DCDC2: variants seen among roughly 807,000 people sequenced by gnomAD.
DCDC2 encodes doublecortin domain-containing protein 2.
A neutral mutation model predicts 50.2 loss-of-function variants in DCDC2; 40 were observed. That is an observed-to-expected ratio of 0.80 (90% CI 0.62 to 1.04). The LOEUF (loss-of-function observed/expected upper bound fraction) is 1.04, where lower values mean the gene tolerates loss of function less well. Among genes scored for constraint, DCDC2 ranks in the 50% least tolerant of loss-of-function variants. The pLI, the probability that DCDC2 is intolerant of heterozygous loss-of-function variation, is 0.00. For synonymous variants in DCDC2, 234 were observed against 210.6 expected (o/e 1.11, Z -0.96); for missense variants, 570 against 581.9 (o/e 0.98, Z 0.21).
At chr6:24,273,039 G>A (rs1369730352) in intron 7 of DCDC2, among the ~76,000 whole-genome samples, 1 of 141,008 alleles carries the variant, frequency 7.1e-6, no homozygotes, top group Admixed American at 7.4e-5. Flanking sequence ...CACACTTTGT[G>A]GGTATGTGTA....
At chr6:24,193,985 TTTAAA>T (rs1265009953) in intron 8 of DCDC2, among the ~76,000 whole-genome samples, 1 of 152,118 alleles carries the variant, frequency 6.6e-6, no homozygotes, top group Admixed American at 6.5e-5. Flanking sequence ...AAAAGAATTT[TTTAAA>T]TTAAAGTTTA....
chr6:24,182,543 T>G (rs1417396755), intron 8 of DCDC2, among the ~76,000 whole-genome samples: 1 of 145,338 alleles, frequency 6.9e-6, no homozygotes, highest in African/African-American at 2.5e-5. Context: ...AATAATCACA[T>G]GAAAAGATTG....
intron 2 of DCDC2, among the ~76,000 whole-genome samples, chr6:24,327,453 C>CTTATTTAT (rs58552034): frequency 0.44 from 59,727 of 136,172 alleles, 16,543 homozygotes; most frequent in South Asian, 0.6. Flanking sequence ...ACATTATAAA[C>CTTATTTAT]TTATTTATTT....
At chr6:24,274,064 A>C (rs1195192415) in intron 7 of DCDC2, among the ~76,000 whole-genome samples, 2 of 152,216 alleles carry the variant, frequency 1.3e-5, no homozygotes, top group Non-Finnish European at 2.9e-5. Context: ...CATCCATCAA[A>C]AGAATACAAC....
intron 2 of DCDC2, among the ~76,000 whole-genome samples, chr6:24,310,099 T>C (rs887713189): frequency 2.0e-5 from 3 of 152,190 alleles, no homozygotes; most frequent in African/African-American, 7.2e-5. Context: ...AAAAGAAACA[T>C]AATATCCATT....
At chr6:24,210,019 G>GGGGTGT (rs1360438467) in intron 7 of DCDC2, among the ~76,000 whole-genome samples, 78 of 145,264 alleles carry the variant, frequency 5.4e-4, no homozygotes, top group African/African-American at 1.5e-3. Flanking sequence ...GCAGTATCAG[G>GGGGTGT]GTGTGTGTGT....
chr6:24,175,711 T>C (rs1760891866), intron 9 of DCDC2, among the ~76,000 whole-genome samples: 1 of 152,224 alleles, frequency 6.6e-6, no homozygotes, highest in South Asian at 2.1e-4. Flanking sequence ...TTTCCTGGTA[T>C]TTTCCTACAA....
chr6:24,219,308 GAAC>G (rs1191693142), intron 7 of DCDC2, among the ~76,000 whole-genome samples: 1 of 152,100 alleles, frequency 6.6e-6, no homozygotes, highest in Non-Finnish European at 1.5e-5. Context: ...ATTGTATAAT[GAAC>G]ACCACTTTAA....
intron 4 of DCDC2, among the ~76,000 whole-genome samples, chr6:24,297,398 A>G (rs974468957): frequency 2.6e-5 from 4 of 152,228 alleles, no homozygotes; most frequent in African/African-American, 4.8e-5. Context: ...AATCTGTACA[A>G]CAAACTACCG....
At chr6:24,175,134 T>C (rs895230787) in intron 9 of DCDC2, among the ~76,000 whole-genome samples, 4 of 152,186 alleles carry the variant, frequency 2.6e-5, no homozygotes, top group Non-Finnish European at 5.9e-5. Context: ...CTTTGAGCTT[T>C]TCTTCAATTT....
chr6:24,174,692 T>C lies in DCDC2; in HGVS notation c.*38A>G. The stretch of plus-strand genomic sequence containing the variant: ...TCTTTCAAGTATGATAACCCTTCAT[T>C]TTTCTTGCGATCCATATACTCTCTT... On this transcript the variant is annotated 3_prime_UTR_variant, in exon 10 of 10. Coordinates refer to ENST00000378454, the MANE Select transcript of DCDC2 (RefSeq NM_016356.5). The C allele has an allele frequency of 7.0e-7, 1 of 1,433,826 alleles. No homozygotes were observed. Among genetic ancestry groups the C allele is most frequent in the Non-Finnish European group, 9.8e-7 (1 of 1,019,224 alleles). The allele number at this position is 1,433,826 out of a possible 1,614,324, so 88.8% of individuals were successfully genotyped here.
chr6:24,270,524 G>A (rs910198111), intron 7 of DCDC2, among the ~76,000 whole-genome samples: 5 of 152,124 alleles, frequency 3.3e-5, no homozygotes, highest in African/African-American at 1.2e-4. Flanking sequence ...ACTCTGTGCG[G>A]AATGCTCTGA....
intron 7 of DCDC2, among the ~76,000 whole-genome samples, chr6:24,222,038 G>T (rs528458543): frequency 6.6e-6 from 1 of 152,376 alleles, no homozygotes; most frequent in Non-Finnish European, 1.5e-5. Context: ...GAAATAGTAG[G>T]TCTGGGTGGA....
At chr6:24,205,591 A>T (rs1761702258) in intron 7 of DCDC2, among the ~76,000 whole-genome samples, 1 of 152,078 alleles carries the variant, frequency 6.6e-6, no homozygotes, top group African/African-American at 2.4e-5. Context: ...CTGCAGCCAA[A>T]TCATAGAGTT....
At chr6:24,282,164 G>A (rs1013636297) in intron 6 of DCDC2, among the ~76,000 whole-genome samples, 1 of 151,986 alleles carries the variant, frequency 6.6e-6, no homozygotes, top group African/African-American at 2.4e-5. Context: ...TATCCAAAAG[G>A]AATACCAAAT....
intron 7 of DCDC2, among the ~76,000 whole-genome samples, chr6:24,234,038 G>C (rs1306281712): frequency 6.6e-6 from 1 of 152,090 alleles, no homozygotes; most frequent in African/African-American, 2.4e-5. Flanking sequence ...AATGCAGATA[G>C]ATTATGCACA....
intron 2 of DCDC2, among the ~76,000 whole-genome samples, chr6:24,306,539 T>TAGACAGAC (rs1276949309): frequency 0.036 from 3,885 of 107,944 alleles, 66 homozygotes; most frequent in Middle Eastern, 0.055. Flanking sequence ...GATAGATAGA[T>TAGACAGAC]AGATAGACAG....
intron 7 of DCDC2, among the ~76,000 whole-genome samples, chr6:24,220,927 A>AGAGTGAGC (rs1561895676): frequency 1.9e-5 from 1 of 51,744 alleles, no homozygotes; most frequent in Non-Finnish European, 4.3e-5. Context: ...AGCGAGCGAG[A>AGAGTGAGC]GCACATGCAG....
chr6:24,330,882 G>T (rs1426282441), intron 2 of DCDC2, among the ~76,000 whole-genome samples: 1 of 152,172 alleles, frequency 6.6e-6, no homozygotes, highest in Non-Finnish European at 1.5e-5. Context: ...TTAAATTGCA[G>T]TTTTAGAAAC....
Sources: gnomAD v4.1 joint callset for allele counts (sites outside exome capture counted in the v4.1 genomes callset) on GRCh38, gnomAD v4.1.1 for gene constraint, MANE v1.5 for transcripts, NCBI Gene and HGNC (gene_info 2026-07-23, HGNC 2026-07-21) for gene names.